Variants in ZNF236 observed in about 807,000 individuals in gnomAD.
ZNF236 encodes the protein zinc finger protein 236, also known as regulated by glucose.
ZNF236 carries 50 observed loss-of-function variants against 191.2 expected under a neutral mutation model. The ratio of observed to expected loss-of-function variants is 0.26; its 90% CI spans 0.21 to 0.33. The LOEUF (loss-of-function observed/expected upper bound fraction) is 0.33. ZNF236 is among the 10% of genes least tolerant of loss of function. ZNF236 has a pLI of 1.00. For missense variants in ZNF236, 1,754 were observed against 2,374.5 expected (o/e 0.74, Z 5.43); for synonymous variants, 907 against 928.8 (o/e 0.98, Z 0.43).
At chr18:76,831,326 G>T (rs1348155032) in intron 1 of ZNF236, among the ~76,000 whole-genome samples, 1 of 152,140 alleles carries the variant, frequency 6.6e-6, no homozygotes, top group African/African-American at 2.4e-5. Flanking sequence ...TTTCAGATTG[G>T]CTTTGAGTAA....
chr18:76,925,434 T>A lies in ZNF236; in HGVS notation c.3907T>A (p.Ser1303Thr). 1.2e-6 allele frequency: 2 copies of A among 1,614,042 alleles called. No homozygotes were observed. Among genetic ancestry groups the A allele is most frequent in the Non-Finnish European group, 1.7e-6 (2 of 1,179,994 alleles). ...ACTGCAGCCTGTAAACCTCCTCAAC[T>A]CCTCCTCTACTGACCCAAACGTGTT... Reference protein sequence around the residue: ...EGLQPVNLLNSSSTDPNVFIM... With the variant: ...EGLQPVNLLNTSSTDPNVFIM... The change falls in exon 22 of 31, where the codon TCC (serine) becomes ACC (threonine). Residue 1303 changes from serine (S) to threonine (T), a missense_variant. Physicochemically the swap from Ser to Thr is moderately conservative, Grantham distance 58. Coordinates refer to ENST00000320610, the MANE Select transcript of ZNF236 (RefSeq NM_001306089.2). This position sits in a 1 kb window ranked among gnomAD's most constrained non-coding sequence, Gnocchi z 5.7.
At chr18:76,918,118 T>G (rs1252824157) in intron 19 of ZNF236, among the ~76,000 whole-genome samples, 3 of 152,254 alleles carry the variant, frequency 2.0e-5, no homozygotes, top group Non-Finnish European at 4.4e-5. Flanking sequence ...TAAGTTTTTT[T>G]CAGTCAGTCA....
intron 1 of ZNF236, chr18:76,834,862 A>G (rs1975274975): frequency 7.6e-6 from 3 of 395,774 alleles, no homozygotes; most frequent in South Asian, 6.3e-5. Context: ...TACTTTGGTC[A>G]GAAGTCACAA....
At chr18:76,920,148 C>A in intron 20 of ZNF236, 90 bp downstream of exon 20, 1 of 1,449,282 alleles carries the variant, frequency 6.9e-7, no homozygotes, top group South Asian at 1.4e-5. Flanking sequence ...GCAGCAGGGC[C>A]ATTAGTTTCT....
intron 1 of ZNF236, among the ~76,000 whole-genome samples, chr18:76,841,489 A>G (rs1486932024): frequency 6.6e-6 from 1 of 152,228 alleles, no homozygotes; most frequent in Non-Finnish European, 1.5e-5. Flanking sequence ...TATTTCATAC[A>G]TTTATTATGG....
chr18:76,874,987 A>G (rs1976674554), intron 5 of ZNF236, among the ~76,000 whole-genome samples: 1 of 152,208 alleles, frequency 6.6e-6, no homozygotes, highest in East Asian at 1.9e-4. Flanking sequence ...CTCAGACTTA[A>G]AGAGGGTCAT....
chr18:76,909,442 A>G (rs1967156938), intron 14 of ZNF236, among the ~76,000 whole-genome samples: 1 of 152,060 alleles, frequency 6.6e-6, no homozygotes, highest in South Asian at 2.1e-4. Flanking sequence ...TTAGTATTCT[A>G]TAAAGTACAC....
intron 1 of ZNF236, among the ~76,000 whole-genome samples, chr18:76,823,840 CGCTTTTTCTCGCGGGCGCCGT>C (rs907168984): frequency 2.0e-5 from 3 of 152,182 alleles, no homozygotes; most frequent in African/African-American, 7.2e-5. Flanking sequence ...GGGGGCGCCG[CGCTTTTTCTCGCGGGCGCCGT>C]GGTTCCCGTG....
chr18:76,830,797 T>A (rs2122392767), intron 1 of ZNF236, among the ~76,000 whole-genome samples: 1 of 152,356 alleles, frequency 6.6e-6, no homozygotes, highest in Admixed American at 6.5e-5. Flanking sequence ...TATAGTGGTA[T>A]CTCATTTTGA....
intron 1 of ZNF236, among the ~76,000 whole-genome samples, chr18:76,838,799 G>C (rs1975405592): frequency 3.3e-5 from 5 of 152,160 alleles, no homozygotes; most frequent in Admixed American, 3.3e-4. Flanking sequence ...TTTTCTCAAA[G>C]AGAACTCACT....
intron 11 of ZNF236, among the ~76,000 whole-genome samples, chr18:76,902,414 C>T (rs965432741): frequency 6.6e-6 from 1 of 152,096 alleles, no homozygotes; most frequent in Non-Finnish European, 1.5e-5. Context: ...AGCGGTAGTC[C>T]AGGGGAGTCC....
intron 26 of ZNF236, among the ~76,000 whole-genome samples, chr18:76,946,150 G>A (rs574087532): frequency 2.0e-5 from 3 of 152,322 alleles, no homozygotes; most frequent in Admixed American, 6.5e-5. Flanking sequence ...AAACCTGGTG[G>A]GAGGTAATTC....
At chr18:76,964,261 A>T (rs1438395133) in intron 30 of ZNF236, among the ~76,000 whole-genome samples, 1 of 152,022 alleles carries the variant, frequency 6.6e-6, no homozygotes, top group Non-Finnish European at 1.5e-5. Flanking sequence ...AGGTTATGTC[A>T]CTATGGTTGT....
chr18:76,969,059 T>A lies in ZNF236; in HGVS notation c.*720T>A. Reference sequence around the variant, plus strand: ...GCTGGCGACACACTTACCGCATCAATCTGTGTTCAGGTCCAGGGTTACATA... The same window carrying A: ...GCTGGCGACACACTTACCGCATCAAACTGTGTTCAGGTCCAGGGTTACATA... On this transcript the variant is annotated 3_prime_UTR_variant, in exon 31 of 31. Coordinates refer to ENST00000320610, the MANE Select transcript of ZNF236 (RefSeq NM_001306089.2). The A allele has an allele frequency of 3.6e-6, 3 of 842,924 alleles. No individual in the cohort carries two copies. Among genetic ancestry groups the A allele is most frequent in the Non-Finnish European group, 4.3e-6 (3 of 699,136 alleles). The allele number at this position is 842,924 out of a possible 1,614,324, so 52.2% of individuals were successfully genotyped here. A position where few individuals can be genotyped will look rare whatever the true frequency, so the allele number is the denominator to read the frequency against.
chr18:76,954,331 T>C (rs1018452886), intron 27 of ZNF236, among the ~76,000 whole-genome samples: 4 of 152,222 alleles, frequency 2.6e-5, no homozygotes, highest in African/African-American at 9.7e-5. Context: ...TCAGAAACAA[T>C]TTTCTGTGTG....
chr18:76,833,320 CTTG>C (rs1319682557), intron 1 of ZNF236, among the ~76,000 whole-genome samples: 1 of 151,962 alleles, frequency 6.6e-6, no homozygotes, highest in Non-Finnish European at 1.5e-5. Flanking sequence ...AACTAGGGTG[CTTG>C]TTGTGGGTTT....
At chr18:76,918,500 C>T (rs1967439657) in intron 19 of ZNF236, among the ~76,000 whole-genome samples, 1 of 152,224 alleles carries the variant, frequency 6.6e-6, no homozygotes, top group South Asian at 2.1e-4. Flanking sequence ...TCATAATTCA[C>T]TGCAGCCTTG....
At chr18:76,863,050 CAT>C (rs1174156799) in intron 3 of ZNF236, among the ~76,000 whole-genome samples, 3 of 151,976 alleles carry the variant, frequency 2.0e-5, no homozygotes, top group Admixed American at 1.3e-4. Flanking sequence ...TGAAAAATCC[CAT>C]GATTGAACTA....
chr18:76,838,574 G>A (rs1434525212), intron 1 of ZNF236, among the ~76,000 whole-genome samples: 1 of 152,142 alleles, frequency 6.6e-6, no homozygotes, highest in Non-Finnish European at 1.5e-5. Flanking sequence ...AGGTTGTACG[G>A]CCTCTGTCGT....
Sources: gnomAD v4.1 joint callset for allele counts (sites outside exome capture counted in the v4.1 genomes callset) on GRCh38, gnomAD v4.1.1 for gene constraint, Gnocchi (gnomAD v3.1) non-coding constraint, MANE v1.5 for transcripts, NCBI Gene and HGNC (gene_info 2026-07-23, HGNC 2026-07-21) for gene names.